The following AP3B2 variants were observed in gnomAD, a reference collection of about 807,000 sequenced individuals.
The protein encoded by AP3B2 is AP-3 complex subunit beta-2.
A neutral mutation model predicts 126.9 loss-of-function variants in AP3B2; 50 were observed. The observed-to-expected ratio is 0.39, with a 90% CI of 0.31 to 0.50. AP3B2 has a LOEUF of 0.50. AP3B2 is among the 20% of genes least tolerant of loss of function. The probability of loss-of-function intolerance (pLI) is 0.79; values close to 1 mark genes in which losing one functional copy is unlikely to be tolerated. For missense variants in AP3B2, 1,177 were observed against 1,426.4 expected, an observed-to-expected ratio of 0.83 and a Z score of 2.82; for synonymous variants, 541 against 565.0, an observed-to-expected ratio of 0.96 and a Z score of 0.60.
chr15:82,709,467 G>A, intron 1 of AP3B2, 127 bp downstream of exon 1: 2 of 469,876 alleles, frequency 4.3e-6, no homozygotes, highest in Non-Finnish European at 5.6e-6. Context: ...AGGGGGCCGG[G>A]CGGGCTTCCG....
At chr15:82,685,496 C>G (rs1401109598) in intron 4 of AP3B2, 1 of 152,166 alleles carries the variant, frequency 6.6e-6, no homozygotes, top group African/African-American at 2.4e-5. Context: ...AAAATTGATG[C>G]TAATTCCTGA....
At chr15:82,669,053 C>T (rs2048105880) in intron 14 of AP3B2, among the ~76,000 whole-genome samples, 1 of 152,198 alleles carries the variant, frequency 6.6e-6, no homozygotes, top group Non-Finnish European at 1.5e-5. Flanking sequence ...CTAAGGTCTT[C>T]CCCACCAGTA....
intron 4 of AP3B2, chr15:82,688,297 C>A: frequency 1.6e-6 from 1 of 633,166 alleles, no homozygotes; most frequent in East Asian, 2.7e-5. Context: ...AACTAGAGGC[C>A]TTGGGCAAAA....
At position 82,709,656 on chromosome 15, in the gene AP3B2, G is replaced by A. The variant is rs1265801118; in HGVS notation, c.51C>T (p.Pro17=). The part of the protein sequence containing the change: ...YSEDKGGSAG[P]GEPEYGHDPA... ...GGTCGTGGCCGTACTCGGGCTCCCC[G>A]GGGCCAGCGGAGCCGCCCTTGTCTT... is the stretch of plus-strand genomic sequence containing the variant. The change falls in exon 1 of 27, where the codon CCC becomes CCT. Residue 17 remains proline, a synonymous_variant. Transcript: ENST00000535359. 1.3e-6 allele frequency: 2 copies of A among 1,515,518 alleles called. No homozygotes were observed. The highest frequency in any genetic ancestry group is 2.5e-5 in the South Asian group (2 of 81,310). The allele number at this position is 1,515,518 out of a possible 1,614,324, so 93.9% of individuals were successfully genotyped here. A position where few individuals can be genotyped will look rare whatever the true frequency, so the allele number is the denominator to read the frequency against.
intron 4 of AP3B2, chr15:82,687,761 G>A (rs768192771): frequency 1.3e-5 from 2 of 152,184 alleles, no homozygotes; most frequent in Non-Finnish European, 2.9e-5. Context: ...AGAACTTCTG[G>A]ATATGAAAAG....
intron 1 of AP3B2, among the ~76,000 whole-genome samples, chr15:82,695,674 TG>T: frequency 6.6e-6 from 1 of 152,246 alleles, no homozygotes; most frequent in South Asian, 2.1e-4. Context: ...TTATAATAAA[TG>T]GGTAAATATA....
At chr15:82,709,107 G>A (rs897225095) in intron 1 of AP3B2, among the ~76,000 whole-genome samples, 2 of 152,072 alleles carry the variant, frequency 1.3e-5, no homozygotes, top group Non-Finnish European at 2.9e-5. Context: ...ATGGAGATGG[G>A]GACCAGAGGG....
At chr15:82,663,668 G>A in intron 20 of AP3B2, 48 bp from the exon 21 acceptor site, 1 of 1,612,936 alleles carries the variant, frequency 6.2e-7, no homozygotes. Context: ...GAGCACCTTG[G>A]CATGTTCTGG....
At position 82,709,808 on chromosome 15, in the gene AP3B2, G is replaced by A; in HGVS notation, c.-102C>T. The A allele has an allele frequency of 1.1e-6, 1 of 902,966 alleles. No individual in the cohort carries two copies. The highest frequency in any genetic ancestry group is 1.5e-6 in the Non-Finnish European group (1 of 649,826). The allele number at this position is 902,966 out of a possible 1,614,324, so 55.9% of individuals were successfully genotyped here. Reference sequence around the variant, plus strand: ...GCCGGTCCGGTCCGGGCTGGCGAAGGCGGCGGCGCGGCAGGGGTTCAGCAG... The same window carrying A: ...GCCGGTCCGGTCCGGGCTGGCGAAGACGGCGGCGCGGCAGGGGTTCAGCAG... On this transcript the variant is annotated 5_prime_UTR_variant, in exon 1 of 27. Coordinates refer to ENST00000535359, the MANE Select transcript of AP3B2 (RefSeq NM_001278512.2).
At chr15:82,688,651 A>G (rs777965089) in intron 4 of AP3B2, 85 bp downstream of exon 4, 1 of 1,314,632 alleles carries the variant, frequency 7.6e-7, no homozygotes, top group South Asian at 1.3e-5. Context: ...GCCCGCTCCC[A>G]TGCTCATGGC....
intron 4 of AP3B2, among the ~76,000 whole-genome samples, chr15:82,682,917 G>T (rs1431536939): frequency 1.7e-5 from 2 of 118,796 alleles, no homozygotes; most frequent in Non-Finnish European, 1.9e-5. Context: ...GGAGACCCCA[G>T]TCTCTACAAA....
At position 82,670,259 on chromosome 15, in the gene AP3B2, G is replaced by A. The variant is rs186999339; in HGVS notation, c.1666-3326C>T. Among the ~76,000 whole-genome samples the A allele has an allele frequency of 1.6e-3, 247 of 151,558 alleles. 1 individual carries two copies. Among genetic ancestry groups the A allele is most frequent in the African/African-American group, 5.4e-3 (223 of 41,356 alleles). ...CAAGTAGCTGGGATTACAGGCACCC[G>A]CCACCACGCTCAGCTAATTTTTGTA... On this transcript the variant is annotated intron_variant, in intron 14 of 26. Transcript: ENST00000535359.
At position 82,681,477 on chromosome 15, in the gene AP3B2, G is replaced by A; in HGVS notation, c.464C>T (p.Ser155Leu). The change falls in exon 5 of 27, where the codon TCG becomes TTG. Residue 155 changes from serine to leucine, a missense_variant. By Grantham distance (145) the Ser-to-Leu change is moderately radical. Around this residue, in one of 5 missense-constraint regions of AP3B2, gnomAD observed 130 missense variants for 262.0 expected, o/e 0.50. Transcript: ENST00000535359. This position sits in a 1 kb window ranked among gnomAD's most constrained non-coding sequence, Gnocchi z 4.0. ...TTTCCGCACATAGGGTGACATGTCC[G>A]AGGCGGCTTCCTTGATAGCTAGCAT... ...IMMLAIKEAA[S>L]DMSPYVRKTA... The A allele has an allele frequency of 6.2e-7, 1 of 1,613,990 alleles. No homozygotes were observed. Among genetic ancestry groups the A allele is most frequent in the Non-Finnish European group, 8.5e-7 (1 of 1,179,892 alleles).
chr15:82,688,845 C>T lies in AP3B2; in HGVS notation c.265-14G>A, dbSNP rs755893061. ...AAGCTTCTTCACCTTGGGGAGAGCA[C>T]GTTTCTCAGCAGAACGCTTCTCAGC... is the stretch of plus-strand genomic sequence containing the variant. On this transcript the variant is annotated splice_polypyrimidine_tract_variant and intron_variant, in intron 3 of 26. Transcript: ENST00000535359. 6.2e-6 allele frequency: 10 copies of T among 1,602,076 alleles called. No homozygotes were observed. Among genetic ancestry groups the T allele is most frequent in the African/African-American group, 1.3e-5 (1 of 74,798 alleles).
In AP3B2 at chr15:82,680,590, G is replaced by A. The variant is rs762763991; in HGVS notation, c.937C>T (p.Leu313=). 6.9e-6 allele frequency: 11 copies of A among 1,594,460 alleles called. No homozygotes were observed. The South Asian group carries it at 1.2e-4, about 18-fold the overall frequency. Residue 313 remains leucine, a synonymous_variant, in exon 8 of 27, where the codon CTG becomes TTG. Transcript: ENST00000535359. This position sits in a 1 kb window ranked among gnomAD's most constrained non-coding sequence, Gnocchi z 6.1. ...ACCACCGCGGCGCTGCGGCTCTGCA[G>A]CAGGGGTTTGGTGTTGCGCAGCAGC... ...RLLLRNTKPL[L]QSRSAAVVMA...
chr15:82,701,784 A>G (rs2048723087), intron 1 of AP3B2, among the ~76,000 whole-genome samples: 1 of 152,254 alleles, frequency 6.6e-6, no homozygotes, highest in Non-Finnish European at 1.5e-5. Context: ...ATCATCCACA[A>G]CAGAATGCTG....
chr15:82,664,504 A>G lies in AP3B2; in HGVS notation c.2138-14T>C, dbSNP rs1190538611. The stretch of plus-strand genomic sequence containing the variant: ...CAGACTCAGGGTCTGTGGAGGAACA[A>G]TATGAGGCCTCCTCCCTCATATGCA... On this transcript the variant is annotated splice_polypyrimidine_tract_variant and intron_variant, in intron 18 of 26. Transcript: ENST00000535359. This position sits in a 1 kb window ranked among gnomAD's most constrained non-coding sequence, Gnocchi z 4.5. 1 of 1,609,750 alleles carries G rather than the reference A, an allele frequency of 6.2e-7. No homozygotes were observed.
intron 10 of AP3B2, among the ~76,000 whole-genome samples, chr15:82,678,502 CCTCCCAT>C (rs2048280221): frequency 6.6e-6 from 1 of 152,146 alleles, no homozygotes; most frequent in Non-Finnish European, 1.5e-5. Context: ...TTGCTGTCTA[CCTCCCAT>C]CTCCCATCAC....
At position 82,680,785 on chromosome 15, in the gene AP3B2, C is replaced by A. The variant is rs774029831; in HGVS notation, c.772-30G>T. On this transcript the variant is annotated intron_variant, in intron 7 of 26. Coordinates refer to ENST00000535359, the MANE Select transcript of AP3B2 (RefSeq NM_001278512.2). This position sits in a 1 kb window ranked among gnomAD's most constrained non-coding sequence, Gnocchi z 6.1. Reference sequence around the variant, plus strand: ...ACGGGGAGACCGACGGGTCTGTGGGCGCCTCCCCGGGACACACTTCGGCCC... The same window carrying A: ...ACGGGGAGACCGACGGGTCTGTGGGAGCCTCCCCGGGACACACTTCGGCCC... 2 of 1,603,696 alleles carry A rather than the reference C, an allele frequency of 1.2e-6. No individual in the cohort carries two copies. Among genetic ancestry groups the A allele is most frequent in the African/African-American group, 1.3e-5 (1 of 74,712 alleles).
Sources: allele counts gnomAD v4.1 joint callset (sites outside exome capture counted in the v4.1 genomes callset), GRCh38; gene constraint gnomAD v4.1.1; regional missense constraint gnomAD v4.1.1; non-coding constraint Gnocchi (gnomAD v3.1); transcripts MANE v1.5; gene names NCBI Gene and HGNC (gene_info 2026-07-23, HGNC 2026-07-21).